ZFPM2: variants seen among roughly 807,000 people sequenced by gnomAD.
The protein encoded by ZFPM2 is zinc finger protein, FOG family member 2.
ZFPM2 carries 20 observed loss-of-function variants against 98.6 expected under a neutral mutation model. The ratio of observed to expected loss-of-function variants is 0.20; its 90% CI spans 0.14 to 0.29. The LOEUF (loss-of-function observed/expected upper bound fraction) is 0.29. Among genes scored for constraint, ZFPM2 ranks in the 10% least tolerant of loss-of-function variants. ZFPM2 has a pLI of 1.00. For missense variants in ZFPM2, 1,310 were observed against 1,388.6 expected (o/e 0.94, Z 0.90); for synonymous variants, 518 against 502.7 (o/e 1.03, Z -0.41).
At chr8:105,779,975 A>ATT (rs1432214099) in intron 5 of ZFPM2, among the ~76,000 whole-genome samples, 4 of 152,350 alleles carry the variant, frequency 2.6e-5, no homozygotes, top group African/African-American at 9.6e-5. Context: ...TATAAGAAAA[A>ATT]TTTATAAGCT....
intron 3 of ZFPM2, among the ~76,000 whole-genome samples, chr8:105,558,951 T>C (rs1815065370): frequency 6.6e-6 from 1 of 152,168 alleles, no homozygotes; most frequent in Non-Finnish European, 1.5e-5. Context: ...TCCTAGCCAA[T>C]AGAAATTAAA....
At chr8:105,515,433 T>G (rs1813898596) in intron 3 of ZFPM2, among the ~76,000 whole-genome samples, 1 of 152,182 alleles carries the variant, frequency 6.6e-6, no homozygotes, top group African/African-American at 2.4e-5. Context: ...ACCCTATGAA[T>G]AGCAAGAAGT....
chr8:105,575,280 C>T lies in ZFPM2; in HGVS notation c.420+13799C>T, dbSNP rs191640179. Among the ~76,000 whole-genome samples the T allele has an allele frequency of 1.3e-3, 195 of 152,228 alleles. 1 individual carries two copies. Among genetic ancestry groups the T allele is most frequent in the Non-Finnish European group, 2.1e-3 (145 of 68,008 alleles). On this transcript the variant is annotated intron_variant, in intron 4 of 7. Transcript: ENST00000407775. ...CCATCTATTTTTTGGTGTTAATCTG[C>T]GCCCTGTGGCAGGGTTTTGTGAAAG...
intron 5 of ZFPM2, among the ~76,000 whole-genome samples, chr8:105,703,391 G>A (rs747658023): frequency 6.6e-6 from 1 of 152,132 alleles, no homozygotes; most frequent in Non-Finnish European, 1.5e-5. Context: ...GGAAACAAAG[G>A]GGATAGTGGG....
At chr8:105,473,375 ATT>A (rs1338255396) in intron 3 of ZFPM2, among the ~76,000 whole-genome samples, 6 of 152,334 alleles carry the variant, frequency 3.9e-5, no homozygotes, top group Middle Eastern at 6.8e-3. Flanking sequence ...TTTCTCTCAC[ATT>A]GTAAATTAAT....
chr8:105,408,498 T>C (rs754512154), intron 1 of ZFPM2, among the ~76,000 whole-genome samples: 7 of 151,894 alleles, frequency 4.6e-5, no homozygotes, highest in Admixed American at 1.3e-4. Context: ...GCCCCCTTCG[T>C]CTTGTTAGGG....
At chr8:105,655,420 G>A (rs1430011213) in intron 5 of ZFPM2, among the ~76,000 whole-genome samples, 1 of 151,614 alleles carries the variant, frequency 6.6e-6, no homozygotes, top group Non-Finnish European at 1.5e-5. Context: ...TAGTAGAGAC[G>A]GGGTTTCTCC....
At chr8:105,389,659 C>T (rs2054577) in intron 1 of ZFPM2, among the ~76,000 whole-genome samples, 83,593 of 152,042 alleles carry the variant, frequency 0.55, 23,173 homozygotes, top group Admixed American at 0.62. Flanking sequence ...TTCAACCCAG[C>T]TCTGACTAAT....
intron 5 of ZFPM2, among the ~76,000 whole-genome samples, chr8:105,707,509 T>C (rs749126262): frequency 6.6e-6 from 1 of 152,190 alleles, no homozygotes; most frequent in Non-Finnish European, 1.5e-5. Context: ...AACTTTCACC[T>C]ACAAGCTCTG....
At chr8:105,402,739 T>G (rs1811366132) in intron 1 of ZFPM2, among the ~76,000 whole-genome samples, 1 of 152,074 alleles carries the variant, frequency 6.6e-6, no homozygotes, top group African/African-American at 2.4e-5. Flanking sequence ...TCCTTTTATC[T>G]TTAGCTAGTT....
At chr8:105,381,007 G>A (rs747730966) in intron 1 of ZFPM2, among the ~76,000 whole-genome samples, 4 of 137,196 alleles carry the variant, frequency 2.9e-5, no homozygotes, top group East Asian at 2.1e-4. Context: ...TACACATGCC[G>A]TGATGGTTTG....
rs185261135 is a variant in ZFPM2 at position 105,646,446 on chromosome 8, C to T, written c.532+12089C>T. On this transcript the variant is annotated intron_variant, in intron 5 of 7. Coordinates refer to ENST00000407775, the MANE Select transcript of ZFPM2 (RefSeq NM_012082.4). ...GAGGGGTATGATGAGGCATATCTGA[C>T]CTCCTATCCTGTCATACTCAGGAAC... 1.4e-4 allele frequency among the ~76,000 whole-genome samples: 22 copies of T among 152,180 alleles called. No homozygotes were observed. In the East Asian group the frequency reaches 4.1e-3, roughly 28 times the overall value.
At chr8:105,409,993 C>A (rs1283424078) in intron 1 of ZFPM2, among the ~76,000 whole-genome samples, 1 of 151,770 alleles carries the variant, frequency 6.6e-6, no homozygotes, top group Admixed American at 6.6e-5. Context: ...ATTAAAATTT[C>A]TTTTTGGAAT....
chr8:105,689,636 G>A (rs1810829496), intron 5 of ZFPM2, among the ~76,000 whole-genome samples: 1 of 152,146 alleles, frequency 6.6e-6, no homozygotes, highest in Non-Finnish European at 1.5e-5. Context: ...TGATTAAGTT[G>A]GTGGTGTTCA....
At chr8:105,383,446 T>C (rs1333991203) in intron 1 of ZFPM2, among the ~76,000 whole-genome samples, 1 of 152,148 alleles carries the variant, frequency 6.6e-6, no homozygotes, top group Non-Finnish European at 1.5e-5. Flanking sequence ...ATAAATCTTA[T>C]GTGGTGTATT....
chr8:105,802,727 A>T lies in ZFPM2; in HGVS notation c.2645A>T (p.His882Leu). The T allele has an allele frequency of 1.2e-6, 2 of 1,613,252 alleles. No homozygotes were observed. Among genetic ancestry groups the T allele is most frequent in the South Asian group, 2.2e-5 (2 of 90,916 alleles). ...HKQNFCPVTAHQRNDLGQLDG... is the reference protein window; with the variant it reads ...HKQNFCPVTALQRNDLGQLDG... ...CAGAATTTCTGCCCGGTTACTGCAC[A>T]TCAGCGTAATGACCTGGGTCAACTG... Residue 882 changes from histidine to leucine, a missense_variant, in exon 8 of 8, where the codon CAT becomes CTT. Transcript: ENST00000407775.
At position 105,778,591 on chromosome 8, in the gene ZFPM2, G is replaced by T. The variant is rs76140116; in HGVS notation, c.533-10127G>T. 3.1e-3 allele frequency among the ~76,000 whole-genome samples: 470 copies of T among 152,128 alleles called. 3 individuals are homozygous for T. Among genetic ancestry groups the T allele is most frequent in the African/African-American group, 0.011 (451 of 41,484 alleles). ...CTTGAATGTGCCTACAAGAGATCAT[G>T]ATTTACTTCACAGGCCAATGTGTAA... On this transcript the variant is annotated intron_variant, in intron 5 of 7. Transcript: ENST00000407775.
At chr8:105,520,375 A>G (rs532681739) in intron 3 of ZFPM2, among the ~76,000 whole-genome samples, 14 of 152,330 alleles carry the variant, frequency 9.2e-5, no homozygotes, top group South Asian at 6.2e-4. Context: ...CTCAACATGC[A>G]TGTCAATTAC....
chr8:105,802,085 T>A lies in ZFPM2; in HGVS notation c.2003T>A (p.Val668Asp). The change falls in exon 8 of 8, where the codon GTT becomes GAT. Residue 668 changes from valine to aspartate, a missense_variant. Coordinates refer to ENST00000407775, the MANE Select transcript of ZFPM2 (RefSeq NM_012082.4). ...NNDDKINGKP[V>D]DVKNPSVPLV... ...GATGACAAAATTAATGGAAAACCTG[T>A]TGATGTGAAAAATCCCAGTGTCCCC... The A allele has an allele frequency of 6.2e-7, 1 of 1,613,828 alleles. No individual in the cohort carries two copies. The highest frequency in any genetic ancestry group is 1.3e-5 in the African/African-American group (1 of 75,044).
Sources: allele counts gnomAD v4.1 joint callset (sites outside exome capture counted in the v4.1 genomes callset), GRCh38; gene constraint gnomAD v4.1.1; transcripts MANE v1.5; gene names NCBI Gene and HGNC (gene_info 2026-07-23, HGNC 2026-07-21).